Variants in ABCG1 observed in about 807,000 individuals in gnomAD.
The protein encoded by ABCG1 is ATP-binding cassette sub-family G member 1.
ABCG1 carries 29 observed loss-of-function variants against 69.2 expected under a neutral mutation model. That is an observed-to-expected ratio of 0.42 (90% CI 0.31 to 0.57). The LOEUF (loss-of-function observed/expected upper bound fraction) is 0.57, where lower values mean the gene tolerates loss of function less well. Among genes scored for constraint, ABCG1 ranks in the 20% least tolerant of loss-of-function variants. The pLI, the probability that ABCG1 is intolerant of heterozygous loss-of-function variation, is 0.15. For missense variants in ABCG1, 718 were observed against 898.1 expected, an observed-to-expected ratio of 0.80 and a Z score of 2.56; for synonymous variants, 370 against 374.8, an observed-to-expected ratio of 0.99 and a Z score of 0.15.
At chr21:42,218,397 G>A (rs1056288712), upstream of ABCG1, among the ~76,000 whole-genome samples, 3 of 146,154 alleles carry the variant, frequency 2.1e-5, no homozygotes, top group African/African-American at 8.4e-5. Flanking sequence ...ACATGGGAGT[G>A]TGCCCTGGTG....
upstream of ABCG1, among the ~76,000 whole-genome samples, chr21:42,217,351 A>G (rs568934744): frequency 6.6e-6 from 1 of 152,222 alleles, no homozygotes; most frequent in African/African-American, 2.4e-5. Context: ...GGCCACATGG[A>G]CAGTTCCTCC....
At position 42,219,834 on chromosome 21, in the gene ABCG1, ACT is replaced by A. The variant is rs772196641; in HGVS notation, c.42+532_42+533del. On this transcript the variant is annotated intron_variant, in intron 1 of 14. Transcript: ENST00000398449. This position sits in a 1 kb window ranked among gnomAD's most constrained non-coding sequence, Gnocchi z 5.3. Reference sequence around the variant, plus strand: ...CCAGAGAGCCGGAGCCTGCGACTGCACTCCCGGGGACACCCTCTCCCGGACCC... The same window carrying A: ...CCAGAGAGCCGGAGCCTGCGACTGCACCCGGGGACACCCTCTCCCGGACCC... The A allele has an allele frequency of 4.7e-6, 7 of 1,474,662 alleles. No homozygotes were observed. The highest frequency in any genetic ancestry group is 1.4e-5 in the African/African-American group (1 of 70,432). 91.3% of individuals were successfully genotyped at this position (1,474,662 alleles called of 1,614,324 possible).
chr21:42,276,705 A>G lies in ABCG1; in HGVS notation c.538-190A>G. On this transcript the variant is annotated intron_variant, in intron 4 of 14. Coordinates refer to ENST00000398449, the MANE Select transcript of ABCG1 (RefSeq NM_016818.3). The surrounding 1 kb of genome is among the most constrained non-coding windows in gnomAD (Gnocchi z 5.3). ...GGATAGCTGCACCGTGACTAGTGGC[A>G]CCGTGGCTAGCTGCACCGTGGCTAG... 1.6e-6 allele frequency: 1 copy of G among 607,356 alleles called. No individual in the cohort carries two copies. Among genetic ancestry groups the G allele is most frequent in the Non-Finnish European group, 2.9e-6 (1 of 344,072 alleles). The allele number at this position is 607,356 out of a possible 1,614,324, so 37.6% of individuals were successfully genotyped here.
Position 42,276,169 on chromosome 21 carries a change from C to G in ABCG1, c.538-726C>G, listed in dbSNP as rs1032390033. On this transcript the variant is annotated intron_variant, in intron 4 of 14. Coordinates refer to ENST00000398449, the MANE Select transcript of ABCG1 (RefSeq NM_016818.3). This position sits in a 1 kb window ranked among gnomAD's most constrained non-coding sequence, Gnocchi z 5.3. ...CAGGAGGGTGGAAGCAAGGCCCGTC[C>G]TGTGCATGGTGATCTACTCTGGGTT... 6.6e-6 allele frequency among the ~76,000 whole-genome samples: 1 copy of G among 152,184 alleles called. No individual in the cohort carries two copies. The highest frequency in any genetic ancestry group is 1.5e-5 in the Non-Finnish European group (1 of 68,046).
chr21:42,268,454 G>C (rs1394595126), intron 2 of ABCG1, among the ~76,000 whole-genome samples: 1 of 151,704 alleles, frequency 6.6e-6, no homozygotes, highest in East Asian at 1.9e-4. Context: ...GTGTTTCCTG[G>C]GCCCCTCAGC....
intron 2 of ABCG1, among the ~76,000 whole-genome samples, chr21:42,239,776 C>CG (rs1161035282): frequency 6.6e-6 from 1 of 152,232 alleles, no homozygotes; most frequent in Non-Finnish European, 1.5e-5. Flanking sequence ...GAAGACCGTC[C>CG]GGGGCCTGGC....
chr21:42,279,380 G>T (rs2068766582), intron 5 of ABCG1, among the ~76,000 whole-genome samples: 2 of 152,220 alleles, frequency 1.3e-5, no homozygotes, highest in Non-Finnish European at 2.9e-5. Context: ...GCAGGAGGCG[G>T]AGGGCGGAGA....
At chr21:42,283,651 T>TC (rs1231781314) in intron 6 of ABCG1, among the ~76,000 whole-genome samples, 34 of 143,692 alleles carry the variant, frequency 2.4e-4, no homozygotes, top group Non-Finnish European at 3.7e-4. Context: ...AGTTGTGAAG[T>TC]CCCCCCCCAC....
At chr21:42,222,937 A>C (rs225411) in intron 1 of ABCG1, among the ~76,000 whole-genome samples, 69,831 of 151,916 alleles carry the variant, frequency 0.46, 18,156 homozygotes, top group African/African-American at 0.71. Flanking sequence ...CCCACTACCA[A>C]CAGCAGATCC....
At chr21:42,205,650 C>A (rs956352172) in intron 2 of ABCG1, among the ~76,000 whole-genome samples, 2 of 151,392 alleles carry the variant, frequency 1.3e-5, no homozygotes, top group African/African-American at 4.8e-5. Flanking sequence ...TTCTAAGAAC[C>A]AGCTTTGTGT....
At chr21:42,289,657 C>T (rs769716572) in intron 10 of ABCG1, among the ~76,000 whole-genome samples, 8 of 152,196 alleles carry the variant, frequency 5.3e-5, no homozygotes, top group Non-Finnish European at 8.8e-5. Flanking sequence ...GGCTCACCGC[C>T]GTCCACAGCA....
chr21:42,255,579 G>C (rs1246980084), intron 2 of ABCG1, among the ~76,000 whole-genome samples: 1 of 152,322 alleles, frequency 6.6e-6, no homozygotes, highest in East Asian at 1.9e-4. Context: ...AGTTGTAATA[G>C]GCAGAAGGAG....
chr21:42,200,579 A>G (rs980369441), intron 1 of ABCG1, among the ~76,000 whole-genome samples: 3 of 148,698 alleles, frequency 2.0e-5, no homozygotes, highest in Admixed American at 6.7e-5. Flanking sequence ...ATTCAAATGC[A>G]ATACTTTTAT....
At chr21:42,224,348 G>C (rs1417372662) in intron 1 of ABCG1, among the ~76,000 whole-genome samples, 3 of 152,206 alleles carry the variant, frequency 2.0e-5, no homozygotes, top group Non-Finnish European at 2.9e-5. Flanking sequence ...GGGGCATTGG[G>C]ACCAGCTGGG....
At chr21:42,241,229 A>G in intron 2 of ABCG1, among the ~76,000 whole-genome samples, 1 of 152,222 alleles carries the variant, frequency 6.6e-6, no homozygotes, top group East Asian at 1.9e-4. Context: ...TTATCGTAAA[A>G]GCCAAGTGCA....
chr21:42,290,568 G>A (rs1371502344), intron 11 of ABCG1, among the ~76,000 whole-genome samples: 1 of 152,144 alleles, frequency 6.6e-6, no homozygotes, highest in Non-Finnish European at 1.5e-5. Flanking sequence ...AGCCCACTTC[G>A]GGAGCAGATA....
rs4920080 is a variant in ABCG1, at chr21:42,288,656, C to T, written c.1224+344C>T. Among the ~76,000 whole-genome samples the T allele has an allele frequency of 0.34, 52,016 of 151,574 alleles. 9,283 individuals carry two copies. The highest frequency in any genetic ancestry group is 0.39 in the Non-Finnish European group (26,197 of 67,908). ...CAGGGGGGCGGAGATTGCAGTGAGCCGAGATTGCACCACTGCACTCCAGCC... is the reference window on the plus strand; with the variant it reads ...CAGGGGGGCGGAGATTGCAGTGAGCTGAGATTGCACCACTGCACTCCAGCC... On this transcript the variant is annotated intron_variant, in intron 10 of 14. Coordinates refer to ENST00000398449, the MANE Select transcript of ABCG1 (RefSeq NM_016818.3). This position sits in a 1 kb window ranked among gnomAD's most constrained non-coding sequence, Gnocchi z 4.8.
At chr21:42,240,481 C>T (rs178743) in intron 2 of ABCG1, among the ~76,000 whole-genome samples, 52,926 of 152,196 alleles carry the variant, frequency 0.35, 9,472 homozygotes, top group Middle Eastern at 0.41. Flanking sequence ...GATGGAGTCT[C>T]GCTTTGTCAC....
chr21:42,208,124 G>A (rs2067557712), intron 2 of ABCG1, among the ~76,000 whole-genome samples: 1 of 152,070 alleles, frequency 6.6e-6, no homozygotes, highest in Non-Finnish European at 1.5e-5. Flanking sequence ...ATTCTGGAAT[G>A]TTTGGTTGAA....
Sources: gnomAD v4.1 joint callset for allele counts (sites outside exome capture counted in the v4.1 genomes callset) on GRCh38, gnomAD v4.1.1 for gene constraint, Gnocchi (gnomAD v3.1) non-coding constraint, MANE v1.5 for transcripts, NCBI Gene and HGNC (gene_info 2026-07-23, HGNC 2026-07-21) for gene names.